Variants in TMEM8B observed in about 807,000 individuals in gnomAD.
The protein encoded by TMEM8B is transmembrane protein 8B.
A neutral mutation model predicts 49.3 loss-of-function variants in TMEM8B; 29 were observed. The observed-to-expected ratio is 0.59, with a 90% CI of 0.44 to 0.80. The LOEUF (loss-of-function observed/expected upper bound fraction) is 0.80. Among genes scored for constraint, TMEM8B ranks in the 30% least tolerant of loss-of-function variants. The probability of loss-of-function intolerance (pLI) is 0.00; values close to 1 mark genes in which losing one functional copy is unlikely to be tolerated. For missense variants in TMEM8B, 575 were observed against 658.5 expected, an observed-to-expected ratio of 0.87 and a Z score of 1.39; for synonymous variants, 264 against 272.8, an observed-to-expected ratio of 0.97 and a Z score of 0.32.
intron 9 of TMEM8B, 86 bp downstream of exon 9, chr9:35,846,697 G>A (rs1831621214): frequency 6.5e-7 from 1 of 1,544,850 alleles, no homozygotes; most frequent in Non-Finnish European, 8.7e-7. Flanking sequence ...GTAGGGGAGT[G>A]CGCAGCCTGA....
intron 6 of TMEM8B, chr9:35,845,500 G>T (rs1360664978): frequency 1.0e-5 from 10 of 985,278 alleles, no homozygotes; most frequent in Non-Finnish European, 1.2e-5. Context: ...TGGGCATTCT[G>T]TTACCACTGT....
In TMEM8B at chr9:35,856,552, A is replaced by T. The variant is rs925284110; in HGVS notation, c.*2712A>T. ...AGAGGAACATCAGATTGGGGTTTTG[A>T]TGGCTGGGGCAGAGGATGGACTTTG... On this transcript the variant is annotated 3_prime_UTR_variant, in exon 13 of 13. Coordinates refer to ENST00000643932, the MANE Select transcript of TMEM8B (RefSeq NM_001042590.4). 2.0e-5 allele frequency: 3 copies of T among 152,254 alleles called. No homozygotes were observed. Among genetic ancestry groups the T allele is most frequent in the Admixed American group, 2.0e-4 (3 of 15,286 alleles). The allele number at this position is 152,254 out of a possible 1,614,324, so 9.4% of individuals were successfully genotyped here.
intron 7 of TMEM8B, 42 bp from the exon 8 acceptor site, chr9:35,846,216 G>C: frequency 1.2e-6 from 2 of 1,611,942 alleles, no homozygotes; most frequent in Admixed American, 3.3e-5. Flanking sequence ...CTTGGGTTCT[G>C]ACCCCTCCTC....
intron 1 of TMEM8B, among the ~76,000 whole-genome samples, chr9:35,833,862 A>G (rs1200165054): frequency 6.6e-6 from 1 of 152,054 alleles, no homozygotes; most frequent in Non-Finnish European, 1.5e-5. Flanking sequence ...GCCCTGAGCC[A>G]GTATACAGGC....
Position 35,853,158 on chromosome 9 carries a change from A to T in TMEM8B, c.2340A>T (p.Gly780=). The change falls in exon 12 of 13, where the codon GGA becomes GGT. Residue 780 remains glycine (G), a synonymous_variant. Coordinates refer to ENST00000643932, the MANE Select transcript of TMEM8B (RefSeq NM_001042590.4). The surrounding 1 kb of genome is among the most constrained non-coding windows in gnomAD (Gnocchi z 4.2). The stretch of plus-strand genomic sequence containing the variant: ...TTCTCTAGGTGCTGTATTTGCTGGG[A>T]GCTATGCTGCTGTCCATGGCTCTGC... The part of the protein sequence containing the change: ...PVVKQVLYLL[G]AMLLSMALQL... 6.2e-7 allele frequency: 1 copy of T among 1,613,908 alleles called. No homozygotes were observed. The highest frequency in any genetic ancestry group is 8.5e-7 in the Non-Finnish European group (1 of 1,179,934).
At position 35,846,081 on chromosome 9, in the gene TMEM8B, A is replaced by G. The variant is rs760903610; in HGVS notation, c.1729+13A>G. 6.3e-7 allele frequency: 1 copy of G among 1,586,956 alleles called. No homozygotes were observed. The highest frequency in any genetic ancestry group is 1.1e-5 in the South Asian group (1 of 90,550). Reference sequence around the variant, plus strand: ...ACCTGTTCCAAAGGTGAGGTGAGGAATGGGGGAGGAGAGGAAGCTGCAGTG... The same window carrying G: ...ACCTGTTCCAAAGGTGAGGTGAGGAGTGGGGGAGGAGAGGAAGCTGCAGTG... On this transcript the variant is annotated intron_variant, in intron 7 of 12. Transcript: ENST00000643932.
In TMEM8B at chr9:35,842,930, T is replaced by C. The variant is rs1831168415; in HGVS notation, c.1635+213T>C. Among the ~76,000 whole-genome samples the C allele has an allele frequency of 6.6e-6, 1 of 152,234 alleles. No individual in the cohort carries two copies. The highest frequency in any genetic ancestry group is 6.5e-5 in the Admixed American group (1 of 15,294). ...AGATGGGCGGGTCAACCAGGTCAAC[T>C]CAGTGTCTGGGGTTTCCCAGTTTTG... On this transcript the variant is annotated intron_variant, in intron 6 of 12. Transcript: ENST00000643932. This position sits in a 1 kb window ranked among gnomAD's most constrained non-coding sequence, Gnocchi z 5.6.
rs1831066937 is a variant in TMEM8B at position 35,842,101 on chromosome 9, C to T, written c.1310-291C>T. On this transcript the variant is annotated intron_variant, in intron 5 of 12. Coordinates refer to ENST00000643932, the MANE Select transcript of TMEM8B (RefSeq NM_001042590.4). This position sits in a 1 kb window ranked among gnomAD's most constrained non-coding sequence, Gnocchi z 5.6. Reference sequence around the variant, plus strand: ...CTGGGACACTGTCCTTGCCAAAGCCCTTGCAAGTCAGTGAGACAGCCTCTC... The same window carrying T: ...CTGGGACACTGTCCTTGCCAAAGCCTTTGCAAGTCAGTGAGACAGCCTCTC... Among the ~76,000 whole-genome samples the T allele has an allele frequency of 6.6e-6, 1 of 152,214 alleles. No individual in the cohort carries two copies. Among genetic ancestry groups the T allele is most frequent in the South Asian group, 2.1e-4 (1 of 4,832 alleles).
Position 35,853,981 on chromosome 9 carries a change from G to T in TMEM8B, c.*141G>T. 4.4e-6 allele frequency: 6 copies of T among 1,365,634 alleles called. No individual in the cohort carries two copies. The highest frequency in any genetic ancestry group is 4.7e-6 in the Non-Finnish European group (5 of 1,064,246). The allele number at this position is 1,365,634 out of a possible 1,614,324, so 84.6% of individuals were successfully genotyped here. A position where few individuals can be genotyped will look rare whatever the true frequency, so the allele number is the denominator to read the frequency against. ...CTCAAGGACACAAAACTCTTCCAGG[G>T]ACCTGGAGCCCTTCCCAGGACATGG... On this transcript the variant is annotated 3_prime_UTR_variant, in exon 13 of 13. Transcript: ENST00000643932. The surrounding 1 kb of genome is among the most constrained non-coding windows in gnomAD (Gnocchi z 4.2).
Position 35,853,876 on chromosome 9 carries a change from T to C in TMEM8B, c.*36T>C. On this transcript the variant is annotated 3_prime_UTR_variant, in exon 13 of 13. Transcript: ENST00000643932. The surrounding 1 kb of genome is among the most constrained non-coding windows in gnomAD (Gnocchi z 4.2). ...GGGCCTGGCCCTGAGGGGATATGAA[T>C]GCTTCCTAGAGTTCTTTCTGGGGGT... is the stretch of plus-strand genomic sequence containing the variant. The C allele has an allele frequency of 6.6e-7, 1 of 1,507,028 alleles. No homozygotes were observed. Among genetic ancestry groups the C allele is most frequent in the Non-Finnish European group, 8.8e-7 (1 of 1,133,946 alleles). The allele number at this position is 1,507,028 out of a possible 1,614,324, so 93.4% of individuals were successfully genotyped here.
In TMEM8B at chr9:35,857,559, A is replaced by G. The variant is rs1832573996; in HGVS notation, c.*3719A>G. On this transcript the variant is annotated 3_prime_UTR_variant, in exon 13 of 13. Coordinates refer to ENST00000643932, the MANE Select transcript of TMEM8B (RefSeq NM_001042590.4). ...GCATAGTGGAAAATCAGGCTGAAGAAGCAGGTGGGGGCAGATTCTGGAGGG... is the reference window on the plus strand; with the variant it reads ...GCATAGTGGAAAATCAGGCTGAAGAGGCAGGTGGGGGCAGATTCTGGAGGG... The G allele has an allele frequency of 6.6e-6, 1 of 152,344 alleles. No individual in the cohort carries two copies. 9.4% of individuals were successfully genotyped at this position (152,344 alleles called of 1,614,324 possible). A position where few individuals can be genotyped will look rare whatever the true frequency, so the allele number is the denominator to read the frequency against.
At chr9:35,837,328 A>G (rs1249517311) in intron 3 of TMEM8B, among the ~76,000 whole-genome samples, 2 of 152,132 alleles carry the variant, frequency 1.3e-5, no homozygotes, top group Non-Finnish European at 2.9e-5. Context: ...GATATAGGAA[A>G]TGTTTTAGGA....
In TMEM8B at chr9:35,841,170, C is replaced by A; in HGVS notation, c.943C>A (p.Gln315Lys). Residue 315 changes from glutamine to lysine, a missense_variant, in exon 4 of 13, where the codon CAG becomes AAG. Gln to Lys is a moderately conservative substitution (Grantham distance 53). Transcript: ENST00000643932. This position sits in a 1 kb window ranked among gnomAD's most constrained non-coding sequence, Gnocchi z 5.9. ...QDECQYLLQP[Q>K]LIVRRLLDVA... The stretch of plus-strand genomic sequence containing the variant: ...TGAGTGTCAGTACCTCCTTCAGCCG[C>A]AGCTGATTGTCCGGCGTTTGCTGGA... The A allele has an allele frequency of 2.4e-6, 1 of 416,110 alleles. No individual in the cohort carries two copies. Among genetic ancestry groups the A allele is most frequent in the Non-Finnish European group, 4.4e-6 (1 of 226,686 alleles). The allele number at this position is 416,110 out of a possible 1,614,324, so 25.8% of individuals were successfully genotyped here.
chr9:35,849,986 C>T (rs1366828270), intron 10 of TMEM8B, among the ~76,000 whole-genome samples: 1 of 152,236 alleles, frequency 6.6e-6, no homozygotes, highest in Non-Finnish European at 1.5e-5. Context: ...TGCTGGCATC[C>T]TGGCTACAAG....
chr9:35,847,161 G>A, intron 10 of TMEM8B, 166 bp downstream of exon 10: 1 of 1,607,648 alleles, frequency 6.2e-7, no homozygotes, highest in Non-Finnish European at 8.5e-7. Context: ...CATAGATAAT[G>A]GTCATTTTTG....
At chr9:35,847,148 A>G (rs1423277927) in intron 10 of TMEM8B, 153 bp downstream of exon 10, 1 of 1,612,026 alleles carries the variant, frequency 6.2e-7, no homozygotes, top group Non-Finnish European at 8.5e-7. Context: ...CCAAACTGTC[A>G]TGCATAGATA....
At chr9:35,835,502 C>T (rs781394976) in intron 3 of TMEM8B, 12 of 311,772 alleles carry the variant, frequency 3.8e-5, no homozygotes, top group South Asian at 1.6e-4. Flanking sequence ...GGAGTAGTGC[C>T]GCCTCCTAGT....
rs1832717216 is a variant in TMEM8B at position 35,865,200 on chromosome 9, A to T, written c.*11360A>T. On this transcript the variant is annotated 3_prime_UTR_variant, in exon 13 of 13. Coordinates refer to ENST00000643932, the MANE Select transcript of TMEM8B (RefSeq NM_001042590.4). Reference sequence around the variant, plus strand: ...CTTGGATGCCATAGGCTCCAGGCCCATAAGCCCGGCTTCACTAGGCCTGGG... The same window carrying T: ...CTTGGATGCCATAGGCTCCAGGCCCTTAAGCCCGGCTTCACTAGGCCTGGG... The T allele has an allele frequency of 6.6e-6, 1 of 152,244 alleles. No homozygotes were observed. Among genetic ancestry groups the T allele is most frequent in the Admixed American group, 6.5e-5 (1 of 15,282 alleles). The allele number at this position is 152,244 out of a possible 1,614,324, so 9.4% of individuals were successfully genotyped here.
At chr9:35,852,717 C>A in intron 10 of TMEM8B, 110 bp from the exon 11 acceptor site, 1 of 1,284,220 alleles carries the variant, frequency 7.8e-7, no homozygotes, top group Non-Finnish European at 1.1e-6. Context: ...TGTGACCTTT[C>A]ACCTCTGCTG....
Sources: gnomAD v4.1 joint callset for allele counts (sites outside exome capture counted in the v4.1 genomes callset) on GRCh38, gnomAD v4.1.1 for gene constraint, Gnocchi (gnomAD v3.1) non-coding constraint, MANE v1.5 for transcripts, NCBI Gene and HGNC (gene_info 2026-07-23, HGNC 2026-07-21) for gene names.